The following GOLGA3 variants were observed in gnomAD, a reference collection of about 807,000 sequenced individuals.
The protein encoded by GOLGA3 is golgin subfamily A member 3.
A neutral mutation model predicts 169.4 loss-of-function variants in GOLGA3; 75 were observed. That is an observed-to-expected ratio of 0.44 (90% CI 0.37 to 0.54). The LOEUF (loss-of-function observed/expected upper bound fraction) is 0.54. GOLGA3 is among the 20% of genes least tolerant of loss of function. The pLI is 0.00. For synonymous variants in GOLGA3, 824 were observed against 822.4 expected, an observed-to-expected ratio of 1.00 and a Z score of -0.03; for missense variants, 1,899 against 1,930.0, an observed-to-expected ratio of 0.98 and a Z score of 0.30.
chr12:132,813,488 C>A, intron 3 of GOLGA3, 69 bp from the exon 4 acceptor site: 1 of 851,042 alleles, frequency 1.2e-6, no homozygotes, highest in East Asian at 2.5e-5. Context: ...GGCACAAGAA[C>A]TTGGTCATTT....
chr12:132,796,824 G>T, intron 9 of GOLGA3, 124 bp from the exon 10 acceptor site: 2 of 967,006 alleles, frequency 2.1e-6, no homozygotes, highest in Admixed American at 2.2e-5. Flanking sequence ...TCCTCATCCT[G>T]TCTACCGACT....
intron 7 of GOLGA3, among the ~76,000 whole-genome samples, chr12:132,802,383 A>AC (rs1949169240): frequency 2.8e-5 from 1 of 36,316 alleles, no homozygotes; most frequent in South Asian, 6.3e-4. Context: ...TGCAGGGGGC[A>AC]TGGGGGGTGC....
intron 2 of GOLGA3, 62 bp downstream of exon 2, chr12:132,821,934 C>A: frequency 9.4e-7 from 1 of 1,067,620 alleles, no homozygotes; most frequent in South Asian, 1.5e-5. Flanking sequence ...CCCTCAACAC[C>A]ACGTCCTCCC....
chr12:132,818,681 G>A (rs1209265198), intron 2 of GOLGA3, among the ~76,000 whole-genome samples: 2 of 152,258 alleles, frequency 1.3e-5, no homozygotes, highest in African/African-American at 4.8e-5. Flanking sequence ...GGTAACAGCA[G>A]TGTTAATCAG....
At chr12:132,809,401 C>G (rs904554077) in intron 4 of GOLGA3, among the ~76,000 whole-genome samples, 11 of 152,110 alleles carry the variant, frequency 7.2e-5, no homozygotes, top group Admixed American at 1.3e-4. Flanking sequence ...TCTCTAAACT[C>G]CCCCGGGGAA....
intron 11 of GOLGA3, among the ~76,000 whole-genome samples, chr12:132,795,486 G>A (rs1948785963): frequency 6.6e-6 from 1 of 151,306 alleles, no homozygotes; most frequent in Non-Finnish European, 1.5e-5. Context: ...AATTAGCCAG[G>A]CATGGTGGTT....
At chr12:132,797,636 T>A (rs1420137255) in intron 9 of GOLGA3, among the ~76,000 whole-genome samples, 1 of 151,790 alleles carries the variant, frequency 6.6e-6, no homozygotes, top group Non-Finnish European at 1.5e-5. Flanking sequence ...TGCTTGAACT[T>A]GGTAGGCAGA....
At chr12:132,774,423 G>C in intron 22 of GOLGA3, 103 bp from the exon 23 acceptor site, 1 of 1,329,594 alleles carries the variant, frequency 7.5e-7, no homozygotes, top group Non-Finnish European at 1.1e-6. Flanking sequence ...TGGTGGACGT[G>C]GGGCCTCTGG....
intron 21 of GOLGA3, among the ~76,000 whole-genome samples, chr12:132,776,096 C>T (rs1043426688): frequency 3.3e-5 from 5 of 152,196 alleles, no homozygotes; most frequent in Non-Finnish European, 7.3e-5. Flanking sequence ...CCGCATGGCA[C>T]AGGAACCAGG....
At chr12:132,796,420 C>A in intron 10 of GOLGA3, 119 bp downstream of exon 10, 1 of 1,276,140 alleles carries the variant, frequency 7.8e-7, no homozygotes, top group Non-Finnish European at 1.1e-6. Flanking sequence ...GACAGCCCAA[C>A]TCCCACCTGA....
chr12:132,772,567 A>G lies in GOLGA3; in HGVS notation c.*538T>C, dbSNP rs936707900. The G allele has an allele frequency of 4.1e-5, 6 of 146,254 alleles. No homozygotes were observed. Among genetic ancestry groups the G allele is most frequent in the African/African-American group, 1.5e-4 (6 of 39,948 alleles). 9.1% of individuals were successfully genotyped at this position (146,254 alleles called of 1,614,324 possible). On this transcript the variant is annotated 3_prime_UTR_variant, in exon 24 of 24. Transcript: ENST00000450791. ...TCAAAAAAAAAAAAAAAAAAAAAACAAAGATTGGATTATGATATTCAGTAT... is the reference window on the plus strand; with the variant it reads ...TCAAAAAAAAAAAAAAAAAAAAAACGAAGATTGGATTATGATATTCAGTAT...
At position 132,796,236 on chromosome 12, in the gene GOLGA3, A is replaced by C; in HGVS notation, c.2101-16T>G. The stretch of plus-strand genomic sequence containing the variant: ...TCAACTTCACCTGGAGAAGGAATGA[A>C]GCCCACATGGCTGCGCCTGACCCTC... On this transcript the variant is annotated splice_polypyrimidine_tract_variant and intron_variant, in intron 10 of 23. Transcript: ENST00000450791. 6.3e-7 allele frequency: 1 copy of C among 1,577,590 alleles called. No homozygotes were observed. The highest frequency in any genetic ancestry group is 1.1e-5 in the South Asian group (1 of 89,352).
chr12:132,805,904 TG>T (rs1566119011), intron 6 of GOLGA3, among the ~76,000 whole-genome samples: 1 of 151,784 alleles, frequency 6.6e-6, no homozygotes, highest in African/African-American at 2.4e-5. Context: ...GATTCAGATC[TG>T]GGGGGAAATG....
intron 1 of GOLGA3, chr12:132,825,737 C>G (rs1200105188): frequency 6.5e-7 from 1 of 1,545,530 alleles, no homozygotes; most frequent in Non-Finnish European, 8.9e-7. Flanking sequence ...CTACCAAAAG[C>G]AGCCGACCAT....
chr12:132,785,703 T>C lies in GOLGA3; in HGVS notation c.3123+636A>G, dbSNP rs191409722. On this transcript the variant is annotated intron_variant, in intron 15 of 23. Transcript: ENST00000450791. Reference sequence around the variant, plus strand: ...GGACAGGAGATAGAAACAAACCACATATAAGAAGAAATACTAAGTTGTCAG... The same window carrying C: ...GGACAGGAGATAGAAACAAACCACACATAAGAAGAAATACTAAGTTGTCAG... Among the ~76,000 whole-genome samples the C allele has an allele frequency of 1.5e-4, 23 of 152,246 alleles. No homozygotes were observed. In the East Asian group the frequency reaches 4.2e-3, roughly 28 times the overall value.
intron 9 of GOLGA3, among the ~76,000 whole-genome samples, 160 bp downstream of exon 9, chr12:132,798,180 G>GGT: frequency 2.2e-5 from 1 of 44,628 alleles, no homozygotes; most frequent in Non-Finnish European, 5.2e-5. Context: ...GATGAGGGGT[G>GGT]GGGGGGGGGT....
Position 132,786,731 on chromosome 12 carries a change from C to G in GOLGA3, c.2868G>C (p.Leu956=), listed in dbSNP as rs775558020. The change falls in exon 14 of 24, where the codon CTG becomes CTC. Residue 956 remains leucine (L), a synonymous_variant. Transcript: ENST00000450791. ...MVAVTEANEA[L]KKQIEELQQE... Reference sequence around the variant, plus strand: ...GCTGCAACTCTTCGATTTGTTTCTTCAGCGCCTCATTGGCCTCTGTGACCG... The same window carrying G: ...GCTGCAACTCTTCGATTTGTTTCTTGAGCGCCTCATTGGCCTCTGTGACCG... The G allele has an allele frequency of 6.9e-6, 11 of 1,598,478 alleles. No individual in the cohort carries two copies. The African/African-American group carries it at 1.5e-4, about 22-fold the overall frequency.
rs2044898723 is a variant in GOLGA3, at chr12:132,771,601, T to C, written c.*1504A>G. The C allele has an allele frequency of 6.6e-6, 1 of 152,116 alleles. No homozygotes were observed. Among genetic ancestry groups the C allele is most frequent in the Non-Finnish European group, 1.5e-5 (1 of 68,028 alleles). The allele number at this position is 152,116 out of a possible 1,614,324, so 9.4% of individuals were successfully genotyped here. A position where few individuals can be genotyped will look rare whatever the true frequency, so the allele number is the denominator to read the frequency against. ...GCACAGCCACCTTCCTCACGGTGCCTGCCTGTCTCTTCCGGAAGTCGCCTC... is the reference window on the plus strand; with the variant it reads ...GCACAGCCACCTTCCTCACGGTGCCCGCCTGTCTCTTCCGGAAGTCGCCTC... On this transcript the variant is annotated 3_prime_UTR_variant, in exon 24 of 24. Transcript: ENST00000450791.
Position 132,782,477 on chromosome 12 carries a change from C to T in GOLGA3, c.3284G>A (p.Gly1095Asp). ...ELEDELQESR[G>D]FRKKIKRLEE... ...AAGGCGTTTTATCTTCTTCCTAAAGCCTCTGGATTCTTGAAGCTGAAACAT... is the reference window on the plus strand; with the variant it reads ...AAGGCGTTTTATCTTCTTCCTAAAGTCTCTGGATTCTTGAAGCTGAAACAT... The change falls in exon 17 of 24, where the codon GGC (glycine) becomes GAC (aspartate). Residue 1095 changes from glycine (G) to aspartate (D), a missense_variant. Coordinates refer to ENST00000450791, the MANE Select transcript of GOLGA3 (RefSeq NM_001389683.1). 6.2e-7 allele frequency: 1 copy of T among 1,613,726 alleles called. No homozygotes were observed. Among genetic ancestry groups the T allele is most frequent in the Non-Finnish European group, 8.5e-7 (1 of 1,179,584 alleles).
Sources: gnomAD v4.1 joint callset for allele counts (sites outside exome capture counted in the v4.1 genomes callset) on GRCh38, gnomAD v4.1.1 for gene constraint, MANE v1.5 for transcripts, NCBI Gene and HGNC (gene_info 2026-07-23, HGNC 2026-07-21) for gene names.